The following ERBB4 variants were observed in gnomAD, a reference collection of about 807,000 sequenced individuals.
The protein encoded by ERBB4 is erb-b2 receptor tyrosine kinase 4, also known as receptor tyrosine-protein kinase erbB-4.
In ERBB4, 42 loss-of-function variants were observed where a neutral mutation model predicts 158.0. The ratio of observed to expected loss-of-function variants is 0.27; its 90% CI spans 0.21 to 0.34. The LOEUF is 0.34. Ranked by LOEUF, ERBB4 falls within the 10% of genes least tolerant of loss-of-function variation. ERBB4 has a pLI of 1.00. For synonymous variants in ERBB4, 583 were observed against 558.7 expected (o/e 1.04, Z -0.61); for missense variants, 1,333 against 1,624.1 (o/e 0.82, Z 3.08).
At chr2:212,499,167 A>G (rs1024519356) in intron 1 of ERBB4, among the ~76,000 whole-genome samples, 1 of 152,094 alleles carries the variant, frequency 6.6e-6, no homozygotes, top group African/African-American at 2.4e-5. Flanking sequence ...AAACCGCATT[A>G]AATGCTACAG....
chr2:212,414,250 A>G (rs1011787877), intron 1 of ERBB4, among the ~76,000 whole-genome samples: 1 of 152,190 alleles, frequency 6.6e-6, no homozygotes, highest in Non-Finnish European at 1.5e-5. Context: ...ATATAGAGGA[A>G]TGTTTTGTAA....
chr2:211,564,563 T>C (rs2067494363), intron 19 of ERBB4, among the ~76,000 whole-genome samples: 1 of 152,170 alleles, frequency 6.6e-6, no homozygotes, highest in Admixed American at 6.5e-5. Flanking sequence ...ACCTAGAATT[T>C]TACACCTAGC....
chr2:211,894,109 C>T (rs7602865), intron 3 of ERBB4, among the ~76,000 whole-genome samples: 14,065 of 106,790 alleles, frequency 0.13, 1,071 homozygotes, highest in African/African-American at 0.23. Flanking sequence ...GACACATGCA[C>T]ACGTATGTTT....
chr2:211,405,035 G>T (rs1268205009), intron 25 of ERBB4, among the ~76,000 whole-genome samples: 1 of 152,140 alleles, frequency 6.6e-6, no homozygotes, highest in Non-Finnish European at 1.5e-5. Context: ...TGAGTTGTTA[G>T]TTTGAAGTGC....
In ERBB4 at chr2:211,482,019, G is replaced by A. The variant is rs116663714; in HGVS notation, c.2488-50919C>T. ...ATTTCCAGGTCACAGTGCAAGGAGA[G>A]GGAATCCAAGTAGAGACAGGCAGTC... On this transcript the variant is annotated intron_variant, in intron 20 of 27. Transcript: ENST00000342788. Among the ~76,000 whole-genome samples the A allele has an allele frequency of 4.4e-3, 674 of 152,226 alleles. 9 individuals carry two copies. The highest frequency in any genetic ancestry group is 0.015 in the African/African-American group (630 of 41,540).
At chr2:212,301,452 A>G (rs537943724) in intron 1 of ERBB4, among the ~76,000 whole-genome samples, 1 of 151,472 alleles carries the variant, frequency 6.6e-6, no homozygotes, top group African/African-American at 2.4e-5. Flanking sequence ...ACTGTAATAC[A>G]TCTCACAAAT....
Position 211,889,379 on chromosome 2 carries a change from C to T in ERBB4, c.421+58051G>A, listed in dbSNP as rs929991451. Among the ~76,000 whole-genome samples the T allele has an allele frequency of 4.1e-5, 6 of 145,586 alleles. 1 individual carries two copies. Among genetic ancestry groups the T allele is most frequent in the East Asian group, 1.9e-4 (1 of 5,164 alleles). On this transcript the variant is annotated intron_variant, in intron 3 of 27. Coordinates refer to ENST00000342788, the MANE Select transcript of ERBB4 (RefSeq NM_005235.3). ...AAAACTAACAAACAGAAAGGACATC[C>T]ACACCGAAAACCCATCTGTACATCA... is the stretch of plus-strand genomic sequence containing the variant.
At chr2:212,296,576 T>C (rs998726509) in intron 1 of ERBB4, among the ~76,000 whole-genome samples, 2 of 151,944 alleles carry the variant, frequency 1.3e-5, no homozygotes, top group Non-Finnish European at 2.9e-5. Flanking sequence ...TCTCTCTGCC[T>C]CTATAACAGA....
At chr2:211,406,934 G>A (rs982941461) in intron 25 of ERBB4, among the ~76,000 whole-genome samples, 2 of 151,894 alleles carry the variant, frequency 1.3e-5, no homozygotes, top group Admixed American at 6.6e-5. Flanking sequence ...TAAAAAATTA[G>A]CTGGGTTTGA....
At chr2:211,572,630 C>A (rs555105850) in intron 19 of ERBB4, among the ~76,000 whole-genome samples, 109 of 152,298 alleles carry the variant, frequency 7.2e-4, no homozygotes, top group African/African-American at 2.2e-3. Context: ...TTTGAGGTAA[C>A]CTTCCCCTGG....
chr2:211,414,101 T>C (rs1172647574), intron 25 of ERBB4, among the ~76,000 whole-genome samples: 1 of 152,146 alleles, frequency 6.6e-6, no homozygotes, highest in Non-Finnish European at 1.5e-5. Context: ...GGAGACTCTC[T>C]GGGGACCCTT....
At chr2:212,193,105 C>T (rs997866856) in intron 1 of ERBB4, among the ~76,000 whole-genome samples, 4 of 152,204 alleles carry the variant, frequency 2.6e-5, no homozygotes, top group South Asian at 2.1e-4. Flanking sequence ...TAAAGCAAGA[C>T]CCACATGTTT....
chr2:211,388,003 A>G lies in ERBB4; in HGVS notation c.3136-11T>C, dbSNP rs752996688. The G allele has an allele frequency of 3.8e-6, 6 of 1,584,846 alleles. No homozygotes were observed. Among genetic ancestry groups the G allele is most frequent in the Non-Finnish European group, 5.2e-6 (6 of 1,153,410 alleles). On this transcript the variant is annotated splice_polypyrimidine_tract_variant and intron_variant, in intron 25 of 27. Coordinates refer to ENST00000342788, the MANE Select transcript of ERBB4 (RefSeq NM_005235.3). ...GTGTCCAATTTCACTCTAATAGGAA[A>G]GAAAAATGGAATGATGGATATAATA...
At chr2:212,175,615 T>C (rs1184000218) in intron 1 of ERBB4, among the ~76,000 whole-genome samples, 1 of 151,830 alleles carries the variant, frequency 6.6e-6, no homozygotes, top group African/African-American at 2.4e-5. Context: ...GTATTTTTTT[T>C]TTTTTTTCTG....
chr2:211,510,102 G>C (rs2065850676), intron 20 of ERBB4, among the ~76,000 whole-genome samples: 1 of 152,032 alleles, frequency 6.6e-6, no homozygotes, highest in Non-Finnish European at 1.5e-5. Context: ...CAAAGGAAAA[G>C]AAAGCATTAT....
At chr2:212,392,054 T>C (rs2090892094) in intron 1 of ERBB4, among the ~76,000 whole-genome samples, 1 of 151,650 alleles carries the variant, frequency 6.6e-6, no homozygotes, top group African/African-American at 2.4e-5. Flanking sequence ...GCACATTTTA[T>C]TGGTTACTAT....
At chr2:212,036,686 G>T (rs944281132) in intron 2 of ERBB4, among the ~76,000 whole-genome samples, 6 of 152,030 alleles carry the variant, frequency 3.9e-5, no homozygotes, top group Non-Finnish European at 2.9e-5. Context: ...GGATGCTCTT[G>T]ATCTCCTGAC....
intron 1 of ERBB4, among the ~76,000 whole-genome samples, chr2:212,519,312 AG>A (rs942110987): frequency 4.6e-5 from 7 of 152,056 alleles, no homozygotes; most frequent in African/African-American, 1.7e-4. Context: ...TTTGAGTTAC[AG>A]GTTTTATGTA....
chr2:212,318,648 C>G (rs761230764), intron 1 of ERBB4, among the ~76,000 whole-genome samples: 4 of 151,508 alleles, frequency 2.6e-5, no homozygotes, highest in Non-Finnish European at 4.4e-5. Context: ...TGTGGGTAAA[C>G]TGAAGCTGAC....
Sources: allele counts gnomAD v4.1 joint callset (sites outside exome capture counted in the v4.1 genomes callset), GRCh38; gene constraint gnomAD v4.1.1; transcripts MANE v1.5; gene names NCBI Gene and HGNC (gene_info 2026-07-23, HGNC 2026-07-21).